Variants in AMPH observed in about 807,000 individuals in gnomAD.
AMPH encodes amphiphysin.
In AMPH, 49 loss-of-function variants were observed where a neutral mutation model predicts 99.1. The observed-to-expected ratio is 0.49, with a 90% confidence interval of 0.39 to 0.63. The LOEUF (loss-of-function observed/expected upper bound fraction) is 0.63. Ranked by LOEUF, AMPH falls within the 20% of genes least tolerant of loss-of-function variation. The probability of loss-of-function intolerance (pLI) is 0.00; values close to 1 mark genes in which losing one functional copy is unlikely to be tolerated. For missense variants in AMPH, 759 were observed against 863.4 expected, an observed-to-expected ratio of 0.88 and a Z score of 1.52; for synonymous variants, 314 against 317.3, an observed-to-expected ratio of 0.99 and a Z score of 0.11.
chr7:38,433,593 C>T (rs866451849), intron 12 of AMPH, among the ~76,000 whole-genome samples: 2 of 132,404 alleles, frequency 1.5e-5, no homozygotes, highest in Non-Finnish European at 3.2e-5. Context: ...GGCGTAGTGG[C>T]GGGCGCCTGT....
At chr7:38,582,558 C>T (rs1265035569) in intron 1 of AMPH, among the ~76,000 whole-genome samples, 1 of 152,174 alleles carries the variant, frequency 6.6e-6, no homozygotes, top group Non-Finnish European at 1.5e-5. Context: ...GTACTGACAG[C>T]TAATGAGATG....
intron 17 of AMPH, among the ~76,000 whole-genome samples, chr7:38,404,729 AAGAC>A (rs1562730824): frequency 6.6e-6 from 1 of 152,208 alleles, no homozygotes; most frequent in East Asian, 1.9e-4. Flanking sequence ...GCAATACAAA[AAGAC>A]AGAGTGTTTT....
rs1562834218 is a variant in AMPH at position 38,570,954 on chromosome 7, TAGAA to T, written c.70-35947_70-35944del. Among the ~76,000 whole-genome samples, 8 of 79,966 alleles carry T rather than the reference TAGAA, an allele frequency of 1.0e-4. 1 individual carries two copies. The highest frequency in any genetic ancestry group is 3.7e-4 in the African/African-American group (8 of 21,702). 52.5% of individuals were successfully genotyped at this position (79,966 alleles called of 152,430 possible). A position where few individuals can be genotyped will look rare whatever the true frequency, so the allele number is the denominator to read the frequency against. ...ATATATATATATATATTTATATATA[TAGAA>T]TATATATATAGAATATATATATATT... On this transcript the variant is annotated intron_variant, in intron 1 of 20. Coordinates refer to ENST00000356264, the MANE Select transcript of AMPH (RefSeq NM_001635.4).
At chr7:38,386,712 C>A (rs913926632) in intron 20 of AMPH, among the ~76,000 whole-genome samples, 4 of 151,976 alleles carry the variant, frequency 2.6e-5, no homozygotes, top group African/African-American at 9.7e-5. Flanking sequence ...CTTGGTTATA[C>A]AATATATAAA....
intron 11 of AMPH, among the ~76,000 whole-genome samples, chr7:38,448,012 C>A (rs1292470534): frequency 1.3e-5 from 2 of 152,128 alleles, no homozygotes; most frequent in Non-Finnish European, 2.9e-5. Context: ...TAAATAAAAT[C>A]TTTAGGAACA....
At chr7:38,518,708 T>A (rs1351630921) in intron 2 of AMPH, among the ~76,000 whole-genome samples, 1 of 152,190 alleles carries the variant, frequency 6.6e-6, no homozygotes, top group Non-Finnish European at 1.5e-5. Flanking sequence ...TCAGGATGAA[T>A]CATGCATTCA....
intron 2 of AMPH, among the ~76,000 whole-genome samples, chr7:38,509,847 T>C (rs1234015328): frequency 6.6e-6 from 1 of 152,170 alleles, no homozygotes; most frequent in Non-Finnish European, 1.5e-5. Flanking sequence ...CTCCTGTGAC[T>C]TGCTGTTCGG....
chr7:38,432,303 A>G, intron 12 of AMPH, 91 bp from the exon 13 acceptor site: 1 of 1,214,246 alleles, frequency 8.2e-7, no homozygotes, highest in South Asian at 1.2e-5. Context: ...AATCATAAGC[A>G]TTTTTTAAGC....
intron 1 of AMPH, among the ~76,000 whole-genome samples, chr7:38,591,290 C>CTTTTTCT (rs1792846794): frequency 2.2e-5 from 3 of 138,746 alleles, no homozygotes; most frequent in Non-Finnish European, 4.6e-5. Flanking sequence ...TTTTCTTTTT[C>CTTTTTCT]TTTTTTTTTT....
chr7:38,463,316 T>C (rs1303669324), intron 9 of AMPH: 4 of 712,786 alleles, frequency 5.6e-6, no homozygotes, highest in African/African-American at 3.5e-5. Flanking sequence ...ACCTCATTCA[T>C]GTATTATCTT....
intron 2 of AMPH, among the ~76,000 whole-genome samples, chr7:38,525,447 T>TGC (rs958402657): frequency 5.4e-5 from 6 of 111,448 alleles, no homozygotes; most frequent in Non-Finnish European, 1.0e-4. Context: ...CATTTGTGCG[T>TGC]GTGTGTGTGT....
chr7:38,391,409 A>G (rs1005051627), intron 19 of AMPH, among the ~76,000 whole-genome samples: 5 of 152,164 alleles, frequency 3.3e-5, no homozygotes, highest in African/African-American at 1.2e-4. Context: ...CCGAGTCAGG[A>G]GCTCTTGGTG....
At chr7:38,417,786 A>G in intron 17 of AMPH, 39 bp downstream of exon 17, 1 of 1,609,322 alleles carries the variant, frequency 6.2e-7, no homozygotes, top group East Asian at 2.2e-5. Context: ...TGGCTGTGGC[A>G]GCGAGGCAGA....
chr7:38,447,559 G>A (rs958526216), intron 11 of AMPH, among the ~76,000 whole-genome samples: 1 of 151,914 alleles, frequency 6.6e-6, no homozygotes, highest in Non-Finnish European at 1.5e-5. Context: ...TGCATCTGTA[G>A]GTAGTTTGCA....
chr7:38,499,259 C>T (rs1009890917), intron 3 of AMPH, among the ~76,000 whole-genome samples: 1 of 152,296 alleles, frequency 6.6e-6, no homozygotes, highest in Non-Finnish European at 1.5e-5. Flanking sequence ...CTCTGCATCT[C>T]CCTCTCCTAG....
At chr7:38,416,990 T>C (rs978272623) in intron 17 of AMPH, among the ~76,000 whole-genome samples, 7 of 152,242 alleles carry the variant, frequency 4.6e-5, no homozygotes, top group African/African-American at 1.2e-4. Context: ...CTAGGGAATG[T>C]TATTTTTGGT....
intron 1 of AMPH, among the ~76,000 whole-genome samples, chr7:38,563,899 T>C (rs12701634): frequency 0.22 from 34,037 of 152,132 alleles, 4,793 homozygotes; most frequent in East Asian, 0.49. Flanking sequence ...CTTCAAATTA[T>C]ATCCTAAGAA....
chr7:38,512,749 G>A (rs1426772020), intron 2 of AMPH, among the ~76,000 whole-genome samples: 2 of 152,094 alleles, frequency 1.3e-5, no homozygotes, highest in East Asian at 1.9e-4. Flanking sequence ...TTTTAGTTCC[G>A]CTTAAATTAA....
intron 11 of AMPH, 60 bp downstream of exon 11, chr7:38,461,223 C>T: frequency 6.2e-7 from 1 of 1,600,900 alleles, no homozygotes; most frequent in Non-Finnish European, 8.5e-7. Flanking sequence ...GGGCTAGCCC[C>T]TGAGAGTCCT....
Sources: gnomAD v4.1 joint callset for allele counts (sites outside exome capture counted in the v4.1 genomes callset) on GRCh38, gnomAD v4.1.1 for gene constraint, MANE v1.5 for transcripts, NCBI Gene and HGNC (gene_info 2026-07-23, HGNC 2026-07-21) for gene names.